The following SAMD5 variants were observed in gnomAD, a reference collection of about 807,000 sequenced individuals.
SAMD5 encodes the protein sterile alpha motif domain containing 5.
Under a neutral mutation model 11.3 loss-of-function variants are expected in SAMD5, and 13 were observed. The observed-to-expected ratio is 1.15, with a 90% CI of 0.75 to 1.83. The LOEUF (loss-of-function observed/expected upper bound fraction) is 1.83, where lower values mean the gene tolerates loss of function less well. SAMD5 is among the 40% of genes most tolerant of loss of function. The pLI, the probability that SAMD5 is intolerant of heterozygous loss-of-function variation, is 0.00. For synonymous variants in SAMD5, 129 were observed against 111.3 expected, an observed-to-expected ratio of 1.16 and a Z score of -1.00; for missense variants, 255 against 239.1, an observed-to-expected ratio of 1.07 and a Z score of -0.44.
chr6:147,630,955 C>T (rs1790141139), intron 1 of SAMD5, among the ~76,000 whole-genome samples: 1 of 152,104 alleles, frequency 6.6e-6, no homozygotes, highest in South Asian at 2.1e-4. Flanking sequence ...GATTATTCAC[C>T]CATGTTTCAG....
At chr6:147,760,941 G>T in the SAMD5 span, among the ~76,000 whole-genome samples, 93 of 152,158 alleles carry the variant, frequency 6.1e-4, no homozygotes, top group African/African-American at 2.2e-3. Flanking sequence ...AAATTACTTC[G>T]AATTCAAATA....
chr6:147,664,946 C>G (rs770332280), intron 1 of SAMD5, among the ~76,000 whole-genome samples: 1 of 152,006 alleles, frequency 6.6e-6, no homozygotes, highest in African/African-American at 2.4e-5. Context: ...CTGCTGTAAC[C>G]TTTACAAAAT....
the SAMD5 span, among the ~76,000 whole-genome samples, chr6:147,875,705 G>T: frequency 6.6e-6 from 1 of 152,042 alleles, no homozygotes; most frequent in East Asian, 1.9e-4. Flanking sequence ...GGCCGCGTTA[G>T]ATTTTCATGG....
intron 1 of SAMD5, among the ~76,000 whole-genome samples, chr6:147,580,152 A>G (rs1789275910): frequency 6.6e-6 from 1 of 152,218 alleles, no homozygotes; most frequent in South Asian, 2.1e-4. Context: ...CTCAAAATCA[A>G]GGCCAACTCT....
At chr6:147,941,349 G>C in the SAMD5 span, among the ~76,000 whole-genome samples, 3 of 152,154 alleles carry the variant, frequency 2.0e-5, no homozygotes, top group Non-Finnish European at 4.4e-5. Flanking sequence ...ATTCCTACAG[G>C]CATGTGGTTA....
chr6:147,680,634 C>T (rs1583136942), intron 1 of SAMD5, among the ~76,000 whole-genome samples: 1 of 151,998 alleles, frequency 6.6e-6, no homozygotes, highest in Non-Finnish European at 1.5e-5. Flanking sequence ...AAGTAAGATA[C>T]TAGCTGTAGG....
At chr6:147,856,829 G>C in the SAMD5 span, among the ~76,000 whole-genome samples, 341 of 145,300 alleles carry the variant, frequency 2.3e-3, 13 homozygotes, top group African/African-American at 8.7e-3. Flanking sequence ...CGCGGGGGGG[G>C]GGGGAAGCTT....
At chr6:147,862,537 C>T in the SAMD5 span, among the ~76,000 whole-genome samples, 1,216 of 152,294 alleles carry the variant, frequency 8.0e-3, 15 homozygotes, top group African/African-American at 0.025. Context: ...TGGCAGCCTC[C>T]GGATATTTCA....
chr6:147,643,617 T>C (rs981051403), intron 1 of SAMD5, among the ~76,000 whole-genome samples: 7 of 152,132 alleles, frequency 4.6e-5, no homozygotes, highest in African/African-American at 1.7e-4. Context: ...TATTTTAAGT[T>C]GCGGTTTTCT....
At chr6:147,851,975 C>T in the SAMD5 span, among the ~76,000 whole-genome samples, 1 of 152,056 alleles carries the variant, frequency 6.6e-6, no homozygotes, top group Non-Finnish European at 1.5e-5. Flanking sequence ...TACTCATATA[C>T]GTTATACTCT....
At chr6:147,730,265 A>G (rs1791695412) in intron 1 of SAMD5, 3 of 360,484 alleles carry the variant, frequency 8.3e-6, no homozygotes, top group Non-Finnish European at 1.6e-5. Context: ...CCTGACTTAC[A>G]TTAATGGGAT....
At chr6:147,658,638 G>C (rs17077174) in intron 1 of SAMD5, among the ~76,000 whole-genome samples, 11,663 of 151,356 alleles carry the variant, frequency 0.077, 695 homozygotes, top group African/African-American at 0.16. Flanking sequence ...CATTATGGGT[G>C]AGATTGTCAT....
the SAMD5 span, among the ~76,000 whole-genome samples, chr6:147,859,250 C>T: frequency 6.6e-6 from 1 of 152,180 alleles, no homozygotes; most frequent in South Asian, 2.1e-4. Context: ...ACTATATAGC[C>T]TGTCAACACT....
chr6:147,569,747 TGTGTGCATGG>T lies in SAMD5; in HGVS notation c.*5293_*5302del. On this transcript the variant is annotated 3_prime_UTR_variant, in exon 2 of 2. Transcript: ENST00000367474. ...TAGAAAATTTCTGCCCCTACAGAAG[TGTGTGCATGG>T]GCCTTGGAAAATCTACATGTGTATA... is the stretch of plus-strand genomic sequence containing the variant. 1 of 985,420 alleles carries T rather than the reference TGTGTGCATGG, an allele frequency of 1.0e-6. No homozygotes were observed. The highest frequency in any genetic ancestry group is 1.2e-6 in the Non-Finnish European group (1 of 829,874). The allele number at this position is 985,420 out of a possible 1,614,324, so 61.0% of individuals were successfully genotyped here. A position where few individuals can be genotyped will look rare whatever the true frequency, so the allele number is the denominator to read the frequency against.
intron 1 of SAMD5, among the ~76,000 whole-genome samples, chr6:147,673,328 C>CT (rs1377372646): frequency 1.3e-5 from 2 of 152,092 alleles, no homozygotes; most frequent in Non-Finnish European, 2.9e-5. Context: ...ATTCTCCTGC[C>CT]TCAGCCTCCT....
chr6:147,670,109 C>G (rs116798575), intron 1 of SAMD5, among the ~76,000 whole-genome samples: 1 of 152,320 alleles, frequency 6.6e-6, no homozygotes, highest in South Asian at 2.1e-4. Flanking sequence ...CTTTGTACAT[C>G]TCCATCAGAG....
intron 1 of SAMD5, among the ~76,000 whole-genome samples, chr6:147,702,669 A>G (rs1268511363): frequency 6.6e-6 from 1 of 152,196 alleles, no homozygotes; most frequent in Non-Finnish European, 1.5e-5. Context: ...TAATATCACA[A>G]GTTCAGTTGG....
chr6:147,888,862 G>A, the SAMD5 span, among the ~76,000 whole-genome samples: 1 of 149,432 alleles, frequency 6.7e-6, no homozygotes, highest in East Asian at 2.0e-4. Context: ...TCCAGCCTGG[G>A]TGACAAGAAC....
chr6:147,766,745 TAAAG>T, the SAMD5 span, among the ~76,000 whole-genome samples: 3,417 of 152,228 alleles, frequency 0.022, 58 homozygotes, highest in Non-Finnish European at 0.036. Context: ...AGAAAAATGA[TAAAG>T]AGAGTTGACA....
Sources: allele counts gnomAD v4.1 joint callset (sites outside exome capture counted in the v4.1 genomes callset), GRCh38; gene constraint gnomAD v4.1.1; transcripts MANE v1.5; gene names NCBI Gene and HGNC (gene_info 2026-07-23, HGNC 2026-07-21).